Variants in LAMA3 observed in about 807,000 individuals in gnomAD.
LAMA3 encodes the protein laminin subunit alpha 3.
Under a neutral mutation model 402.0 loss-of-function variants are expected in LAMA3, and 281 were observed. The observed-to-expected ratio is 0.70, with a 90% confidence interval of 0.63 to 0.77. The LOEUF (loss-of-function observed/expected upper bound fraction) is 0.77, where lower values mean the gene tolerates loss of function less well. Ranked by LOEUF, LAMA3 falls within the 30% of genes least tolerant of loss-of-function variation. The probability of loss-of-function intolerance (pLI) is 0.00; values close to 1 mark genes in which losing one functional copy is unlikely to be tolerated. For missense variants in LAMA3, 3,840 were observed against 4,215.5 expected, an observed-to-expected ratio of 0.91 and a Z score of 2.47; for synonymous variants, 1,431 against 1,558.4, an observed-to-expected ratio of 0.92 and a Z score of 1.93.
chr18:23,844,631 C>T (rs944640177), intron 29 of LAMA3, among the ~76,000 whole-genome samples: 2 of 152,292 alleles, frequency 1.3e-5, no homozygotes, highest in South Asian at 2.1e-4. Context: ...TTTCATAAAT[C>T]CTGATTCATT....
intron 12 of LAMA3, among the ~76,000 whole-genome samples, chr18:23,802,334 C>T (rs1266457185): frequency 2.6e-5 from 4 of 152,202 alleles, no homozygotes; most frequent in African/African-American, 7.2e-5. Flanking sequence ...CAGCAAGCAC[C>T]TCATGGTTCT....
intron 2 of LAMA3, among the ~76,000 whole-genome samples, chr18:23,744,263 T>C (rs897365554): frequency 1.3e-5 from 2 of 152,078 alleles, no homozygotes; most frequent in African/African-American, 2.4e-5. Flanking sequence ...ATAACACATA[T>C]AGTCGCTTGG....
chr18:23,948,892 A>T (rs562345749), intron 70 of LAMA3, among the ~76,000 whole-genome samples: 1 of 152,140 alleles, frequency 6.6e-6, no homozygotes, highest in Admixed American at 6.5e-5. Context: ...TAAAGTTACC[A>T]TATCTTTATT....
chr18:23,730,551 G>A (rs922027956), intron 2 of LAMA3, among the ~76,000 whole-genome samples: 21 of 151,862 alleles, frequency 1.4e-4, no homozygotes, highest in African/African-American at 4.8e-4. Context: ...TATTTTTGTA[G>A]AGATGGAGTT....
At chr18:23,907,956 A>G in intron 54 of LAMA3, 21 bp downstream of exon 54, 1 of 1,611,130 alleles carries the variant, frequency 6.2e-7, no homozygotes, top group Non-Finnish European at 8.5e-7. Context: ...ATCTCTGGCC[A>G]GGACATCTTA....
At chr18:23,770,499 C>T (rs1172232723) in intron 8 of LAMA3, among the ~76,000 whole-genome samples, 1 of 152,138 alleles carries the variant, frequency 6.6e-6, no homozygotes, top group East Asian at 1.9e-4. Flanking sequence ...CTGTGGCTCA[C>T]GCCTGTAATC....
chr18:23,815,020 T>C (rs553891544), intron 15 of LAMA3, among the ~76,000 whole-genome samples, 168 bp from the exon 16 acceptor site: 2 of 152,240 alleles, frequency 1.3e-5, no homozygotes, highest in Admixed American at 1.3e-4. Flanking sequence ...TTCTGCCAAC[T>C]TCAGAAAGCA....
chr18:23,853,867 G>A (rs2064002114), intron 32 of LAMA3, among the ~76,000 whole-genome samples: 1 of 152,232 alleles, frequency 6.6e-6, no homozygotes, highest in Non-Finnish European at 1.5e-5. Flanking sequence ...AGACTTTGAA[G>A]AGGAAATGTC....
rs753968528 is a variant in LAMA3 at position 23,946,146 on chromosome 18, G to A, written c.9213G>A (p.Val3071=). The A allele has an allele frequency of 1.4e-5, 22 of 1,613,572 alleles. No homozygotes were observed. In the South Asian group the frequency reaches 2.1e-4, roughly 15 times the overall value. ...CACGTATCTTTCTTACTCTGAAGGT[G>A]GTGTTTGGCCATGATGGGGAAAAGG... ...EKCNDGKWHT[V]VFGHDGEKGR... Residue 3071 remains valine, a splice_region_variant and synonymous_variant, in exon 70 of 75, where the codon GTG becomes GTA. Coordinates refer to ENST00000313654, the MANE Select transcript of LAMA3 (RefSeq NM_198129.4).
At chr18:23,784,784 CA>C (rs2144017527) in intron 12 of LAMA3, among the ~76,000 whole-genome samples, 1 of 152,080 alleles carries the variant, frequency 6.6e-6, no homozygotes, top group South Asian at 2.1e-4. Flanking sequence ...TGAATTTGCC[CA>C]AATTATTCTC....
intron 2 of LAMA3, among the ~76,000 whole-genome samples, chr18:23,735,022 T>C (rs576497144): frequency 6.6e-6 from 1 of 152,228 alleles, no homozygotes; most frequent in Non-Finnish European, 1.5e-5. Flanking sequence ...AGGCGGTTAA[T>C]ATACCTATTT....
intron 47 of LAMA3, among the ~76,000 whole-genome samples, chr18:23,900,298 T>C (rs1360683951): frequency 2.0e-5 from 3 of 152,192 alleles, no homozygotes; most frequent in Non-Finnish European, 2.9e-5. Flanking sequence ...CTCAAACTCC[T>C]GACATCAAGC....
At chr18:23,873,407 C>G (rs2064598771) in intron 38 of LAMA3, among the ~76,000 whole-genome samples, 1 of 152,138 alleles carries the variant, frequency 6.6e-6, no homozygotes, top group Non-Finnish European at 1.5e-5. Flanking sequence ...AACCGCAAAC[C>G]CCATTAACAT....
At chr18:23,715,946 C>A (rs72889148) in intron 2 of LAMA3, among the ~76,000 whole-genome samples, 2 of 152,282 alleles carry the variant, frequency 1.3e-5, no homozygotes, top group African/African-American at 2.4e-5. Flanking sequence ...GGGCTTTCAA[C>A]CTCTTTAGTC....
intron 55 of LAMA3, 113 bp from the exon 56 acceptor site, chr18:23,912,595 TATC>T: frequency 1.2e-6 from 1 of 840,874 alleles, no homozygotes; most frequent in Non-Finnish European, 2.0e-6. Context: ...CCTTGCTCCT[TATC>T]ATAACAACTC....
At chr18:23,954,011 T>C (rs544100771) in intron 74 of LAMA3, among the ~76,000 whole-genome samples, 1 of 152,362 alleles carries the variant, frequency 6.6e-6, no homozygotes, top group Admixed American at 6.5e-5. Flanking sequence ...AGTAGCCTTG[T>C]TGCTGATTTA....
At position 23,857,879 on chromosome 18, in the gene LAMA3, G is replaced by T; in HGVS notation, c.4172G>T (p.Arg1391Leu). The T allele has an allele frequency of 6.2e-7, 1 of 1,614,216 alleles. No homozygotes were observed. Among genetic ancestry groups the T allele is most frequent in the East Asian group, 2.2e-5 (1 of 44,886 alleles). ...KPRITGRQCD[R>L]CASGFYRFPE... is the part of the protein sequence containing the mutation. ...AGAATCACAGGGCGGCAGTGTGACC[G>T]ATGTGCTTCCGGGTTTTACCGCTTT... is the stretch of plus-strand genomic sequence containing the variant. Residue 1391 changes from arginine (R) to leucine (L), a missense_variant, in exon 33 of 75, where the codon CGA becomes CTA. Transcript: ENST00000313654.
chr18:23,738,879 GC>G (rs1371372185), intron 2 of LAMA3, among the ~76,000 whole-genome samples: 1 of 152,226 alleles, frequency 6.6e-6, no homozygotes, highest in Non-Finnish European at 1.5e-5. Flanking sequence ...CATCCCTGCT[GC>G]CTTACCTGCC....
At chr18:23,896,596 G>A (rs1391166805) in intron 44 of LAMA3, among the ~76,000 whole-genome samples, 1 of 152,084 alleles carries the variant, frequency 6.6e-6, no homozygotes, top group Non-Finnish European at 1.5e-5. Context: ...AGAAGTAATA[G>A]AACCTATTTC....
Sources: allele counts gnomAD v4.1 joint callset (sites outside exome capture counted in the v4.1 genomes callset), GRCh38; gene constraint gnomAD v4.1.1; transcripts MANE v1.5; gene names NCBI Gene and HGNC (gene_info 2026-07-23, HGNC 2026-07-21).